The following CACNA1E variants were observed in gnomAD, a reference collection of about 807,000 sequenced individuals.
CACNA1E encodes calcium voltage-gated channel subunit alpha1 E, also known as voltage-dependent R-type calcium channel subunit alpha-1E.
Under a neutral mutation model 259.2 loss-of-function variants are expected in CACNA1E, and 40 were observed. That is an observed-to-expected ratio of 0.15 (90% confidence interval 0.12 to 0.20). The LOEUF is 0.20. CACNA1E is among the 10% of genes least tolerant of loss of function. CACNA1E has a pLI of 1.00. For synonymous variants in CACNA1E, 1,104 were observed against 1,138.5 expected (o/e 0.97, Z 0.61); for missense variants, 1,874 against 3,040.1 (o/e 0.62, Z 9.02).
At chr1:181,721,455 G>C (rs1654403351) in intron 15 of CACNA1E, among the ~76,000 whole-genome samples, 2 of 152,112 alleles carry the variant, frequency 1.3e-5, no homozygotes, top group Admixed American at 1.3e-4. Flanking sequence ...CAGACCACCT[G>C]ATCTGTGTCA....
At chr1:181,403,885 T>C (rs1657278132) in intron 1 of CACNA1E, among the ~76,000 whole-genome samples, 1 of 152,186 alleles carries the variant, frequency 6.6e-6, no homozygotes, top group Non-Finnish European at 1.5e-5. Context: ...CTCCTCCATG[T>C]GGCAGGCTTA....
chr1:181,409,507 T>C (rs901326866), intron 1 of CACNA1E, among the ~76,000 whole-genome samples: 1 of 152,184 alleles, frequency 6.6e-6, no homozygotes, highest in African/African-American at 2.4e-5. Flanking sequence ...CTAATATGAA[T>C]TGAACTCAGT....
chr1:181,669,540 T>TA (rs1324559641), intron 7 of CACNA1E, among the ~76,000 whole-genome samples: 7 of 152,216 alleles, frequency 4.6e-5, no homozygotes, highest in Non-Finnish European at 8.8e-5. Flanking sequence ...GAGCACTCGT[T>TA]ACGTTATTTT....
chr1:181,771,397 G>A lies in CACNA1E; in HGVS notation c.4973+13G>A, dbSNP rs549596152. 31 of 1,449,186 alleles carry A rather than the reference G, an allele frequency of 2.1e-5. No homozygotes were observed. The highest frequency in any genetic ancestry group is 1.2e-4 in the South Asian group (10 of 84,456). 89.8% of individuals were successfully genotyped at this position (1,449,186 alleles called of 1,614,324 possible). ...TGCTACTCTTCAGGTACCTGGATGC[G>A]TAACTGTCATAGCTGGGGTTCTCCT... On this transcript the variant is annotated intron_variant, in intron 36 of 47. Transcript: ENST00000367573.
In CACNA1E at chr1:181,767,702, G is replaced by A. The variant is rs182930774; in HGVS notation, c.4881+1091G>A. On this transcript the variant is annotated intron_variant, in intron 35 of 47. Coordinates refer to ENST00000367573, the MANE Select transcript of CACNA1E (RefSeq NM_001205293.3). The stretch of plus-strand genomic sequence containing the variant: ...TTGTTCTCTAAAAATACAATAGAAT[G>A]TCAAGTGTCAAAATGTGTGAGACTT... Among the ~76,000 whole-genome samples, 221 of 152,350 alleles carry A rather than the reference G, an allele frequency of 1.5e-3. 1 individual carries two copies. Among genetic ancestry groups the A allele is most frequent in the Non-Finnish European group, 2.5e-3 (167 of 68,036 alleles).
At chr1:181,325,143 A>T (rs1369902042) in intron 1 of CACNA1E, among the ~76,000 whole-genome samples, 1 of 152,128 alleles carries the variant, frequency 6.6e-6, no homozygotes, top group African/African-American at 2.4e-5. Context: ...AGTTGAGTCA[A>T]CACAGCCCAC....
chr1:181,405,959 C>T (rs944503233), intron 1 of CACNA1E, among the ~76,000 whole-genome samples: 3 of 152,274 alleles, frequency 2.0e-5, no homozygotes, highest in East Asian at 1.9e-4. Flanking sequence ...GAAATACAGC[C>T]GTATCCATTT....
chr1:181,592,397 G>A (rs1652744988), intron 6 of CACNA1E, among the ~76,000 whole-genome samples: 1 of 150,596 alleles, frequency 6.6e-6, no homozygotes, highest in East Asian at 2.0e-4. Flanking sequence ...CACAGGTTCT[G>A]CTCTCAGAGT....
rs934186475 is a variant in CACNA1E at position 181,802,305 on chromosome 1, A to G, written c.*3471A>G. ...GTCTCCATAGGGCACTGAGATCACC[A>G]AGAACATTACCCAGAAGCTGAAGTC... On this transcript the variant is annotated 3_prime_UTR_variant, in exon 48 of 48. Transcript: ENST00000367573. The G allele has an allele frequency of 6.6e-6, 1 of 152,212 alleles. No individual in the cohort carries two copies. Among genetic ancestry groups the G allele is most frequent in the Non-Finnish European group, 1.5e-5 (1 of 68,042 alleles). The allele number at this position is 152,212 out of a possible 1,614,324, so 9.4% of individuals were successfully genotyped here. A position where few individuals can be genotyped will look rare whatever the true frequency, so the allele number is the denominator to read the frequency against.
chr1:181,363,876 G>A (rs1654069914), intron 1 of CACNA1E, among the ~76,000 whole-genome samples: 1 of 152,218 alleles, frequency 6.6e-6, no homozygotes, highest in Non-Finnish European at 1.5e-5. Flanking sequence ...CTACGGATAG[G>A]AGAGGTGGGG....
At chr1:181,669,436 C>T (rs1009094812) in intron 7 of CACNA1E, among the ~76,000 whole-genome samples, 3 of 152,186 alleles carry the variant, frequency 2.0e-5, no homozygotes, top group Admixed American at 1.3e-4. Context: ...CCACTTCCAC[C>T]CACTGCTGTA....
upstream of CACNA1E, chr1:181,483,494 CTTTTTTCTTTTTTTTT>C (rs1379927640): frequency 5.9e-5 from 14 of 238,316 alleles, no homozygotes; most frequent in East Asian, 8.8e-4. Flanking sequence ...CTTTTTTTTT[CTTTTTTCTTTTTTTTT>C]TTTTTCCTTC....
At chr1:181,360,548 C>T (rs866333339) in intron 1 of CACNA1E, among the ~76,000 whole-genome samples, 10 of 152,130 alleles carry the variant, frequency 6.6e-5, no homozygotes, top group Admixed American at 1.3e-4. Flanking sequence ...AGAGGCAAAT[C>T]TGTAGACCAG....
chr1:181,639,074 T>G (rs371735127), intron 6 of CACNA1E, among the ~76,000 whole-genome samples: 1 of 152,248 alleles, frequency 6.6e-6, no homozygotes, highest in East Asian at 1.9e-4. Context: ...AATGTCCAGC[T>G]TAGAGTAGAG....
Position 181,732,981 on chromosome 1 carries a change from C to T in CACNA1E, c.2895C>T (p.Asn965=). 2 of 1,613,372 alleles carry T rather than the reference C, an allele frequency of 1.2e-6. No homozygotes were observed. Among genetic ancestry groups the T allele is most frequent in the South Asian group, 1.1e-5 (1 of 90,988 alleles). The change falls in exon 20 of 48, where the codon AAC becomes AAT. Residue 965 remains asparagine, a synonymous_variant. Transcript: ENST00000367573. This position sits in a 1 kb window ranked among gnomAD's most constrained non-coding sequence, Gnocchi z 5.5. ...AGAAGGACCATGAGCTCAGGGGCAACCATGGTGCCAAGGAGCCAACGATCC... is the reference window on the plus strand; with the variant it reads ...AGAAGGACCATGAGCTCAGGGGCAATCATGGTGCCAAGGAGCCAACGATCC... ...EGEKDHELRG[N]HGAKEPTIQE...
In CACNA1E at chr1:181,699,880, T is replaced by C. The variant is rs184435752; in HGVS notation, c.1056-11074T>C. Among the ~76,000 whole-genome samples, 479 of 151,922 alleles carry C rather than the reference T, an allele frequency of 3.2e-3. 2 individuals are homozygous for C. The highest frequency in any genetic ancestry group is 6.8e-3 in the Middle Eastern group (2 of 294). On this transcript the variant is annotated intron_variant, in intron 7 of 47. Transcript: ENST00000367573. ...TGGGAGAGACTAGAGGAGGAGAAGT[T>C]TGGGGAGAAATCACTTGGCCATGTT...
chr1:181,319,366 G>A (rs1396787862), intron 1 of CACNA1E, among the ~76,000 whole-genome samples: 3 of 152,146 alleles, frequency 2.0e-5, no homozygotes, highest in African/African-American at 4.8e-5. Context: ...AGGAAAAGGG[G>A]CTTTCTCTCC....
intron 7 of CACNA1E, among the ~76,000 whole-genome samples, chr1:181,702,983 G>A (rs1652425502): frequency 1.3e-5 from 2 of 151,986 alleles, no homozygotes; most frequent in Middle Eastern, 3.2e-3. Flanking sequence ...CTTTTTTTGA[G>A]AAGGGGGTCT....
chr1:181,386,740 C>T (rs530086699), intron 1 of CACNA1E, among the ~76,000 whole-genome samples: 1 of 152,332 alleles, frequency 6.6e-6, no homozygotes. Context: ...GTCTGCTCAT[C>T]ATATCCAGAA....
Sources: allele counts gnomAD v4.1 joint callset (sites outside exome capture counted in the v4.1 genomes callset), GRCh38; gene constraint gnomAD v4.1.1; non-coding constraint Gnocchi (gnomAD v3.1); transcripts MANE v1.5; gene names NCBI Gene and HGNC (gene_info 2026-07-23, HGNC 2026-07-21).